Variants in NDST4 observed in about 807,000 individuals in gnomAD.
NDST4 encodes the protein N-deacetylase and N-sulfotransferase 4, also known as N-heparan sulfate sulfotransferase 4.
In NDST4, 63 loss-of-function variants were observed where a neutral mutation model predicts 100.8. The observed-to-expected ratio is 0.62, with a 90% CI of 0.51 to 0.77. The LOEUF (loss-of-function observed/expected upper bound fraction) is 0.77, where lower values mean the gene tolerates loss of function less well. Among genes scored for constraint, NDST4 ranks in the 30% least tolerant of loss-of-function variants. The pLI, the probability that NDST4 is intolerant of heterozygous loss-of-function variation, is 0.00. For synonymous variants in NDST4, 377 were observed against 361.8 expected, an observed-to-expected ratio of 1.04 and a Z score of -0.48; for missense variants, 943 against 1,018.4, an observed-to-expected ratio of 0.93 and a Z score of 1.01.
chr4:114,956,416 G>T (rs1489242275), intron 4 of NDST4, among the ~76,000 whole-genome samples: 1 of 152,184 alleles, frequency 6.6e-6, no homozygotes, highest in Non-Finnish European at 1.5e-5. Context: ...AGCAAGTAAG[G>T]AGGAGGCTGT....
intron 4 of NDST4, among the ~76,000 whole-genome samples, chr4:114,954,513 G>A (rs567686726): frequency 6.6e-6 from 1 of 152,196 alleles, no homozygotes; most frequent in African/African-American, 2.4e-5. Flanking sequence ...AGGAAAAGAG[G>A]AAATGGAAGA....
At chr4:114,832,962 G>C (rs1723231242) in intron 12 of NDST4, among the ~76,000 whole-genome samples, 1 of 149,668 alleles carries the variant, frequency 6.7e-6, no homozygotes, top group East Asian at 1.9e-4. Context: ...CCAGTCATCT[G>C]AGTCAAAGCC....
chr4:114,865,444 C>T (rs1724007798), intron 7 of NDST4, among the ~76,000 whole-genome samples: 1 of 152,046 alleles, frequency 6.6e-6, no homozygotes, highest in African/African-American at 2.4e-5. Flanking sequence ...AATATCCTGG[C>T]AGGGAAAAGA....
chr4:115,023,794 C>T (rs1204661517), intron 2 of NDST4, among the ~76,000 whole-genome samples: 1 of 152,126 alleles, frequency 6.6e-6, no homozygotes, highest in Non-Finnish European at 1.5e-5. Flanking sequence ...GCACCAAAGG[C>T]ATTACAGAGA....
At chr4:115,034,825 C>T (rs1438751884) in intron 2 of NDST4, among the ~76,000 whole-genome samples, 1 of 152,076 alleles carries the variant, frequency 6.6e-6, no homozygotes, top group Non-Finnish European at 1.5e-5. Context: ...AGATGCATGA[C>T]TATTTCAATA....
chr4:115,064,647 G>A (rs961412745), intron 2 of NDST4, among the ~76,000 whole-genome samples: 1 of 151,978 alleles, frequency 6.6e-6, no homozygotes, highest in African/African-American at 2.4e-5. Flanking sequence ...TACCTACTGA[G>A]CTTTCATGCT....
chr4:115,004,598 A>G (rs2126257383), intron 2 of NDST4, among the ~76,000 whole-genome samples: 1 of 152,272 alleles, frequency 6.6e-6, no homozygotes, highest in South Asian at 2.1e-4. Flanking sequence ...AGGTTGGTAT[A>G]AATATATCTT....
chr4:114,994,202 A>T (rs1337042291), intron 2 of NDST4, among the ~76,000 whole-genome samples: 3 of 151,990 alleles, frequency 2.0e-5, no homozygotes, highest in Admixed American at 6.6e-5. Context: ...TAAAATATGT[A>T]ATTTTCTGCT....
chr4:114,942,528 T>C (rs1460851775), intron 4 of NDST4, among the ~76,000 whole-genome samples: 2 of 152,098 alleles, frequency 1.3e-5, no homozygotes, highest in African/African-American at 4.8e-5. Flanking sequence ...AAATAAGAAA[T>C]TTATATCTAG....
chr4:115,058,548 A>G (rs1052540169), intron 2 of NDST4, among the ~76,000 whole-genome samples: 2 of 152,092 alleles, frequency 1.3e-5, no homozygotes, highest in Admixed American at 1.3e-4. Flanking sequence ...GACAAATGTT[A>G]CTGTTTGTAC....
intron 2 of NDST4, among the ~76,000 whole-genome samples, chr4:114,998,255 A>G (rs569392939): frequency 2.6e-5 from 4 of 152,126 alleles, no homozygotes; most frequent in East Asian, 1.9e-4. Flanking sequence ...CTCTTTGTCT[A>G]TCCCCAAAGT....
chr4:115,022,272 C>A (rs760498284), intron 2 of NDST4, among the ~76,000 whole-genome samples: 1 of 151,942 alleles, frequency 6.6e-6, no homozygotes, highest in South Asian at 2.1e-4. Context: ...ATAAGTTCCA[C>A]GTCTATGCAC....
At chr4:114,882,558 A>G (rs1724392429) in intron 6 of NDST4, among the ~76,000 whole-genome samples, 1 of 152,046 alleles carries the variant, frequency 6.6e-6, no homozygotes, top group Non-Finnish European at 1.5e-5. Flanking sequence ...AGGTAAAGAG[A>G]AACTTCCCAA....
intron 6 of NDST4, among the ~76,000 whole-genome samples, chr4:114,899,625 G>T (rs1213525226): frequency 1.3e-5 from 2 of 151,794 alleles, no homozygotes; most frequent in African/African-American, 4.8e-5. Context: ...TTAGCCTGTT[G>T]GTATGATGGA....
At chr4:114,964,032 G>T (rs1389466220) in intron 4 of NDST4, among the ~76,000 whole-genome samples, 3 of 152,084 alleles carry the variant, frequency 2.0e-5, no homozygotes, top group African/African-American at 7.2e-5. Flanking sequence ...TAAGTGAAGA[G>T]GTATTGCTTC....
chr4:115,097,395 T>G (rs955812736), intron 1 of NDST4, among the ~76,000 whole-genome samples: 1 of 152,158 alleles, frequency 6.6e-6, no homozygotes, highest in East Asian at 1.9e-4. Context: ...AAGTAAATGA[T>G]GCTTAATTTT....
At chr4:115,103,808 C>T (rs1050044672) in intron 1 of NDST4, among the ~76,000 whole-genome samples, 2 of 152,044 alleles carry the variant, frequency 1.3e-5, no homozygotes, top group Admixed American at 6.6e-5. Context: ...ATTATTCTCC[C>T]ACCAAAAACT....
At chr4:115,004,359 T>C (rs1727365781) in intron 2 of NDST4, among the ~76,000 whole-genome samples, 1 of 152,166 alleles carries the variant, frequency 6.6e-6, no homozygotes, top group African/African-American at 2.4e-5. Context: ...AGTGGAGATC[T>C]AGGAAAGGTA....
Position 114,892,022 on chromosome 4 carries a change from C to A in NDST4, c.1537-21072G>T, listed in dbSNP as rs545844103. Among the ~76,000 whole-genome samples the A allele has an allele frequency of 7.9e-5, 12 of 152,180 alleles. No homozygotes were observed. The South Asian group carries it at 2.5e-3, about 32-fold the overall frequency. ...TCTCTTAGTGGCTGCACCATACACACTGTTTTGGGATTTTTGTTTTATTAG... is the reference window on the plus strand; with the variant it reads ...TCTCTTAGTGGCTGCACCATACACAATGTTTTGGGATTTTTGTTTTATTAG... On this transcript the variant is annotated intron_variant, in intron 6 of 13. Transcript: ENST00000264363.
Sources: allele counts gnomAD v4.1 joint callset (sites outside exome capture counted in the v4.1 genomes callset), GRCh38; gene constraint gnomAD v4.1.1; transcripts MANE v1.5; gene names NCBI Gene and HGNC (gene_info 2026-07-23, HGNC 2026-07-21).